Variants in SRGAP3 observed in about 807,000 individuals in gnomAD.
SRGAP3 encodes the protein SLIT-ROBO Rho GTPase-activating protein 3.
A neutral mutation model predicts 121.1 loss-of-function variants in SRGAP3; 39 were observed. That is an observed-to-expected ratio of 0.32 (90% CI 0.25 to 0.42). The LOEUF (loss-of-function observed/expected upper bound fraction) is 0.42. Ranked by LOEUF, SRGAP3 falls within the 10% of genes least tolerant of loss-of-function variation. SRGAP3 has a pLI of 1.00. For missense variants in SRGAP3, 1,213 were observed against 1,470.6 expected (o/e 0.82, Z 2.86); for synonymous variants, 601 against 570.0 (o/e 1.05, Z -0.77).
At chr3:9,073,375 G>T (rs968319151) in intron 4 of SRGAP3, among the ~76,000 whole-genome samples, 1 of 152,322 alleles carries the variant, frequency 6.6e-6, no homozygotes, top group Non-Finnish European at 1.5e-5. Context: ...GAACTCCTAG[G>T]CTCAAGCGAT....
chr3:9,231,286 T>A (rs1035844431), intron 1 of SRGAP3, among the ~76,000 whole-genome samples: 1 of 152,120 alleles, frequency 6.6e-6, no homozygotes, highest in Non-Finnish European at 1.5e-5. Context: ...TCTCCTAGAG[T>A]ATCAGGATTT....
rs1574860611 is a variant in SRGAP3 at position 8,992,586 on chromosome 3, G to A, written c.2558+320C>T. ...TTCTACAACAGAAAGCTGGAAGGAG[G>A]TGCAGGAACTGGACACAGGTAGGAA... On this transcript the variant is annotated intron_variant, in intron 20 of 21. Coordinates refer to ENST00000383836, the MANE Select transcript of SRGAP3 (RefSeq NM_014850.4). 3 of 464,820 alleles carry A rather than the reference G, an allele frequency of 6.5e-6. No homozygotes were observed. The East Asian group carries it at 1.1e-4, about 17-fold the overall frequency. The allele number at this position is 464,820 out of a possible 1,614,324, so 28.8% of individuals were successfully genotyped here. A position where few individuals can be genotyped will look rare whatever the true frequency, so the allele number is the denominator to read the frequency against.
intron 21 of SRGAP3, among the ~76,000 whole-genome samples, chr3:8,987,547 C>CT (rs1479765774): frequency 2.6e-5 from 4 of 151,188 alleles, no homozygotes; most frequent in African/African-American, 9.9e-5. Flanking sequence ...CTGCAGGTGG[C>CT]TTCCTGCCTG....
At chr3:9,074,544 A>G (rs1162711664) in intron 4 of SRGAP3, among the ~76,000 whole-genome samples, 1 of 152,232 alleles carries the variant, frequency 6.6e-6, no homozygotes, top group Non-Finnish European at 1.5e-5. Flanking sequence ...AATATTCAGT[A>G]AATGACAGAG....
chr3:9,089,230 C>A (rs1947633577), intron 3 of SRGAP3, among the ~76,000 whole-genome samples: 1 of 134,260 alleles, frequency 7.4e-6, no homozygotes, highest in South Asian at 2.2e-4. Flanking sequence ...CATGTGTTAT[C>A]TAATTTAAAT....
At position 9,139,870 on chromosome 3, in the gene SRGAP3, T is replaced by C. The variant is rs568755309; in HGVS notation, c.68-14953A>G. On this transcript the variant is annotated intron_variant, in intron 1 of 21. Coordinates refer to ENST00000383836, the MANE Select transcript of SRGAP3 (RefSeq NM_014850.4). Reference sequence around the variant, plus strand: ...TGTAGAGGAGTCAGCTGAGGCCTCATGAAGCAAGATTTGCATGATCTAGAC... The same window carrying C: ...TGTAGAGGAGTCAGCTGAGGCCTCACGAAGCAAGATTTGCATGATCTAGAC... Among the ~76,000 whole-genome samples, 38 of 152,214 alleles carry C rather than the reference T, an allele frequency of 2.5e-4. No homozygotes were observed. The South Asian group carries it at 7.9e-3, about 32-fold the overall frequency.
At chr3:9,020,692 A>T (rs1214864869) in intron 14 of SRGAP3, among the ~76,000 whole-genome samples, 1 of 152,174 alleles carries the variant, frequency 6.6e-6, no homozygotes, top group Non-Finnish European at 1.5e-5. Context: ...CATTCTTTTC[A>T]ATTAGCCCAG....
In SRGAP3 at chr3:9,047,478, G is replaced by GT. The variant is rs1945346031; in HGVS notation, c.1324-4dup. 6.2e-7 allele frequency: 1 copy of GT among 1,614,090 alleles called. No homozygotes were observed. Among genetic ancestry groups the GT allele is most frequent in the South Asian group, 1.1e-5 (1 of 91,066 alleles). ...CCATTCACATACTCTTTAAATTTCT[G>GT]TAAGACACAAGGCACAAGGAAGTTA... On this transcript the variant is annotated splice_region_variant and splice_polypyrimidine_tract_variant and intron_variant, in intron 9 of 21. Coordinates refer to ENST00000383836, the MANE Select transcript of SRGAP3 (RefSeq NM_014850.4).
intron 3 of SRGAP3, among the ~76,000 whole-genome samples, chr3:9,308,746 A>G (rs1955197256): frequency 6.6e-6 from 1 of 152,204 alleles, no homozygotes. Context: ...GGGGAATTAT[A>G]GTCTCCTCGG....
At chr3:9,210,485 T>C (rs1303655467) in intron 1 of SRGAP3, among the ~76,000 whole-genome samples, 1 of 152,034 alleles carries the variant, frequency 6.6e-6, no homozygotes, top group Non-Finnish European at 1.5e-5. Flanking sequence ...AGACTCTGTC[T>C]CTAACAATAA....
intron 1 of SRGAP3, among the ~76,000 whole-genome samples, chr3:9,215,061 T>TA (rs1262798037): frequency 3.3e-5 from 5 of 152,200 alleles, no homozygotes; most frequent in Non-Finnish European, 7.3e-5. Flanking sequence ...ACTCTACTTA[T>TA]AATATCTTTT....
intron 14 of SRGAP3, among the ~76,000 whole-genome samples, chr3:9,017,049 A>T (rs978742103): frequency 1.3e-5 from 2 of 152,134 alleles, no homozygotes; most frequent in African/African-American, 4.8e-5. Flanking sequence ...ATCCCCAATT[A>T]CTTTTTACTT....
At chr3:8,986,239 T>C (rs539111081) in intron 21 of SRGAP3, among the ~76,000 whole-genome samples, 1 of 152,296 alleles carries the variant, frequency 6.6e-6, no homozygotes, top group South Asian at 2.1e-4. Flanking sequence ...TGTGACCTTA[T>C]GCAAGTTCCC....
At chr3:8,990,860 G>A (rs1351927700) in intron 20 of SRGAP3, 21 bp from the exon 21 acceptor site, 3 of 1,492,300 alleles carry the variant, frequency 2.0e-6, no homozygotes, top group East Asian at 2.3e-5. Context: ...GCCAGGGGGC[G>A]AGGGGCATGG....
intron 3 of SRGAP3, among the ~76,000 whole-genome samples, chr3:9,085,649 C>A (rs1947432331): frequency 1.3e-5 from 2 of 152,166 alleles, no homozygotes. Context: ...AGAATGAAAT[C>A]ATGTCCTTTA....
intron 1 of SRGAP3, among the ~76,000 whole-genome samples, chr3:9,142,362 A>G (rs191931551): frequency 2.3e-3 from 348 of 152,340 alleles, no homozygotes; most frequent in Admixed American, 3.6e-3. Flanking sequence ...TCAACCAAAC[A>G]TGAAAAAGCT....
chr3:9,041,859 C>T (rs1403198493), intron 10 of SRGAP3, among the ~76,000 whole-genome samples: 2 of 152,088 alleles, frequency 1.3e-5, no homozygotes, highest in African/African-American at 4.8e-5. Flanking sequence ...CCAGCACTTT[C>T]GGAGGCCGAC....
intron 1 of SRGAP3, among the ~76,000 whole-genome samples, chr3:9,136,183 T>C (rs1225426390): frequency 6.6e-6 from 1 of 151,862 alleles, no homozygotes; most frequent in Non-Finnish European, 1.5e-5. Flanking sequence ...GTTTCGCTCC[T>C]TCTCTAGGCC....
chr3:9,299,071 GA>G (rs1414041428), intron 3 of SRGAP3, among the ~76,000 whole-genome samples: 3 of 90,272 alleles, frequency 3.3e-5, no homozygotes, highest in African/African-American at 8.1e-5. Flanking sequence ...AAAAAAAAAA[GA>G]AAATAGATGG....
Sources: allele counts gnomAD v4.1 joint callset (sites outside exome capture counted in the v4.1 genomes callset), GRCh38; gene constraint gnomAD v4.1.1; transcripts MANE v1.5; gene names NCBI Gene and HGNC (gene_info 2026-07-23, HGNC 2026-07-21).